The following RASAL2 variants were observed in gnomAD, a reference collection of about 807,000 sequenced individuals.
RASAL2 encodes ras GTPase-activating protein nGAP.
RASAL2 carries 58 observed loss-of-function variants against 128.9 expected under a neutral mutation model. The ratio of observed to expected loss-of-function variants is 0.45; its 90% CI spans 0.36 to 0.56. The LOEUF is 0.56. RASAL2 is among the 20% of genes least tolerant of loss of function. The probability of loss-of-function intolerance (pLI) is 0.00; values close to 1 mark genes in which losing one functional copy is unlikely to be tolerated. For missense variants in RASAL2, 1,360 were observed against 1,601.6 expected, an observed-to-expected ratio of 0.85 and a Z score of 2.57; for synonymous variants, 561 against 580.8, an observed-to-expected ratio of 0.97 and a Z score of 0.49.
In RASAL2 at chr1:178,117,526, A is replaced by G. The variant is rs539335639; in HGVS notation, c.202+22832A>G. Among the ~76,000 whole-genome samples, 10 of 152,326 alleles carry G rather than the reference A, an allele frequency of 6.6e-5. No individual in the cohort carries two copies. In the East Asian group the frequency reaches 1.2e-3, roughly 18 times the overall value. On this transcript the variant is annotated intron_variant, in intron 1 of 17. Transcript: ENST00000367649. ...GGTCTGAATGCTGATGTCCTCCCCA[A>G]TTCATATGTTGAAAGTTAATCACCA...
intron 9 of RASAL2, among the ~76,000 whole-genome samples, chr1:178,450,506 C>T (rs1306631283): frequency 2.6e-5 from 4 of 152,106 alleles, no homozygotes; most frequent in Admixed American, 6.5e-5. Flanking sequence ...TCTCCTGTCA[C>T]GGGTATTTTT....
chr1:178,196,149 A>C (rs1252360715), intron 1 of RASAL2, among the ~76,000 whole-genome samples: 2 of 152,126 alleles, frequency 1.3e-5, no homozygotes, highest in African/African-American at 2.4e-5. Flanking sequence ...CAGAAGTTCT[A>C]CCCTCTCCTT....
chr1:178,162,454 AT>A (rs1234868555), intron 1 of RASAL2, among the ~76,000 whole-genome samples: 10 of 122,100 alleles, frequency 8.2e-5, no homozygotes, highest in East Asian at 2.1e-4. Flanking sequence ...TATATATAAT[AT>A]TAAATATATT....
At chr1:178,442,406 C>T (rs1029799990) in intron 7 of RASAL2, among the ~76,000 whole-genome samples, 1 of 151,858 alleles carries the variant, frequency 6.6e-6, no homozygotes, top group African/African-American at 2.4e-5. Flanking sequence ...TGAAAACTTA[C>T]CGTTACAAAA....
At chr1:178,140,542 C>A (rs191363284) in intron 1 of RASAL2, among the ~76,000 whole-genome samples, 7 of 152,292 alleles carry the variant, frequency 4.6e-5, no homozygotes, top group Non-Finnish European at 1.0e-4. Context: ...TATAGTTTTA[C>A]CTTTTCCAGA....
Position 178,284,585 on chromosome 1 carries a change from C to T in RASAL2, c.330+894C>T, listed in dbSNP as rs148082927. 1.7e-3 allele frequency among the ~76,000 whole-genome samples: 256 copies of T among 152,298 alleles called. 2 individuals carry two copies. The highest frequency in any genetic ancestry group is 6.0e-3 in the African/African-American group (248 of 41,578). ...CTCTTAAACTTATCACATGCTATTA[C>T]TATTTTATTCCTCAAACTGTTACAG... is the stretch of plus-strand genomic sequence containing the variant. On this transcript the variant is annotated intron_variant, in intron 2 of 17. Transcript: ENST00000367649.
At chr1:178,294,237 A>G (rs577568270) in intron 2 of RASAL2, among the ~76,000 whole-genome samples, 1 of 152,302 alleles carries the variant, frequency 6.6e-6, no homozygotes, top group African/African-American at 2.4e-5. Context: ...GAAGCCCTGT[A>G]CAACAGATAC....
chr1:178,442,865 A>T lies in RASAL2; in HGVS notation c.1118A>T (p.His373Leu), dbSNP rs1676759924. Residue 373 changes from histidine (H) to leucine (L), a missense_variant, in exon 8 of 18, where the codon CAT becomes CTT. Physicochemically the swap from His to Leu is moderately conservative, Grantham distance 99 (BLOSUM62 -3). Around this residue, in one of 3 missense-constraint regions of RASAL2, gnomAD observed 617 missense variants for 714.2 expected, o/e 0.86. Coordinates refer to ENST00000367649, the MANE Select transcript of RASAL2 (RefSeq NM_170692.4). ...HFEFFSLPPL[H>L]SITVHIYKDV... ...GAATTCTTCAGCCTTCCACCTCTTCATAGTATCACAGTTCACATTTACAAG... is the reference window on the plus strand; with the variant it reads ...GAATTCTTCAGCCTTCCACCTCTTCTTAGTATCACAGTTCACATTTACAAG... The T allele has an allele frequency of 6.2e-7, 1 of 1,613,988 alleles. No homozygotes were observed. The highest frequency in any genetic ancestry group is 8.5e-7 in the Non-Finnish European group (1 of 1,179,960).
intron 1 of RASAL2, among the ~76,000 whole-genome samples, chr1:178,230,097 A>G (rs1663942287): frequency 6.6e-6 from 1 of 152,130 alleles, no homozygotes; most frequent in Non-Finnish European, 1.5e-5. Context: ...TTGGCATAAT[A>G]TCTGTGAGAT....
At chr1:178,331,525 T>G (rs919208454) in intron 3 of RASAL2, among the ~76,000 whole-genome samples, 3 of 151,476 alleles carry the variant, frequency 2.0e-5, no homozygotes, top group African/African-American at 7.3e-5. Context: ...TTAGCAATCA[T>G]AGGACAAACT....
At chr1:178,419,326 T>G (rs1248102457) in intron 4 of RASAL2, among the ~76,000 whole-genome samples, 2 of 152,130 alleles carry the variant, frequency 1.3e-5, no homozygotes, top group African/African-American at 4.8e-5. Context: ...CCGGCTGGAG[T>G]GCTGTGGTAC....
chr1:178,371,331 C>CACACACACACACACACACAA (rs1671689532), intron 3 of RASAL2, among the ~76,000 whole-genome samples: 1 of 139,138 alleles, frequency 7.2e-6, no homozygotes, highest in Non-Finnish European at 1.5e-5. Flanking sequence ...CCCACACACA[C>CACACACACACACACACACAA]ACACACACAC....
intron 3 of RASAL2, among the ~76,000 whole-genome samples, chr1:178,353,366 C>A (rs1419418795): frequency 6.6e-6 from 1 of 152,212 alleles, no homozygotes; most frequent in Admixed American, 6.5e-5. Flanking sequence ...TTCCGTAGAT[C>A]CCTAGGACAG....
Position 178,363,779 on chromosome 1 carries a change from G to T in RASAL2, c.458-26321G>T, listed in dbSNP as rs181200161. On this transcript the variant is annotated intron_variant, in intron 3 of 17. Coordinates refer to ENST00000367649, the MANE Select transcript of RASAL2 (RefSeq NM_170692.4). ...AATCAGACTATAAATATTATTTATT[G>T]GTGGAAAAGAGTAAAACATCTATAT... Among the ~76,000 whole-genome samples, 334 of 152,254 alleles carry T rather than the reference G, an allele frequency of 2.2e-3. 2 individuals carry two copies. The highest frequency in any genetic ancestry group is 7.1e-3 in the African/African-American group (296 of 41,554).
rs1403743835 is a variant in RASAL2 at position 178,283,550 on chromosome 1, C to G, written c.203-14C>G. 5 of 1,594,988 alleles carry G rather than the reference C, an allele frequency of 3.1e-6. No individual in the cohort carries two copies. The highest frequency in any genetic ancestry group is 1.4e-5 in the African/African-American group (1 of 73,616). On this transcript the variant is annotated splice_polypyrimidine_tract_variant and intron_variant, in intron 1 of 17. Transcript: ENST00000367649. ...AATGATTTGTCACTTTTGTTTTTCC[C>G]TTTTCTCATGCAGATGTGAAAGGAC...
At chr1:178,376,076 G>C (rs1050458163) in intron 3 of RASAL2, among the ~76,000 whole-genome samples, 7 of 152,106 alleles carry the variant, frequency 4.6e-5, no homozygotes. Flanking sequence ...GACACAGAGC[G>C]AATGACCGTA....
At chr1:178,343,005 C>G (rs1270736044) in intron 3 of RASAL2, among the ~76,000 whole-genome samples, 2 of 152,064 alleles carry the variant, frequency 1.3e-5, no homozygotes, top group Non-Finnish European at 2.9e-5. Context: ...TTCTGGAGAC[C>G]ATTGTGGGGA....
chr1:178,249,307 A>G (rs1034409750), intron 1 of RASAL2, among the ~76,000 whole-genome samples: 1 of 151,660 alleles, frequency 6.6e-6, no homozygotes, highest in African/African-American at 2.4e-5. Context: ...AATCTCTGAT[A>G]TCCTTTCTTC....
rs74131333 is a variant in RASAL2 at position 178,376,648 on chromosome 1, A to G, written c.458-13452A>G. The stretch of plus-strand genomic sequence containing the variant: ...CTACTGTATTAATCTTATGCCATTT[A>G]TCACACCCAGTCTTGCAGAGTTAGC... On this transcript the variant is annotated intron_variant, in intron 3 of 17. Coordinates refer to ENST00000367649, the MANE Select transcript of RASAL2 (RefSeq NM_170692.4). 2.7e-3 allele frequency among the ~76,000 whole-genome samples: 416 copies of G among 152,286 alleles called. 4 individuals are homozygous for G. The highest frequency in any genetic ancestry group is 9.7e-3 in the African/African-American group (403 of 41,578).
Sources: allele counts gnomAD v4.1 joint callset (sites outside exome capture counted in the v4.1 genomes callset), GRCh38; gene constraint gnomAD v4.1.1; regional missense constraint gnomAD v4.1.1; transcripts MANE v1.5; gene names NCBI Gene and HGNC (gene_info 2026-07-23, HGNC 2026-07-21).